GINM1: variants seen among roughly 807,000 people sequenced by gnomAD.
GINM1 encodes glycoprotein integral membrane protein 1.
Under a neutral mutation model 37.8 loss-of-function variants are expected in GINM1, and 29 were observed. That is an observed-to-expected ratio of 0.77 (90% CI 0.57 to 1.05). The LOEUF (loss-of-function observed/expected upper bound fraction) is 1.05. Ranked by LOEUF, GINM1 falls within the 50% of genes least tolerant of loss-of-function variation. GINM1 has a pLI of 0.00. For synonymous variants in GINM1, 143 were observed against 146.2 expected, an observed-to-expected ratio of 0.98 and a Z score of 0.16; for missense variants, 377 against 397.9, an observed-to-expected ratio of 0.95 and a Z score of 0.45.
At chr6:149,576,932 C>G (rs536278819) in intron 3 of GINM1, among the ~76,000 whole-genome samples, 64 of 152,310 alleles carry the variant, frequency 4.2e-4, no homozygotes, top group African/African-American at 1.5e-3. Context: ...ATGGCACCAG[C>G]ATCTGCTCAG....
Position 149,572,311 on chromosome 6 carries a change from A to G in GINM1, c.147A>G (p.Thr49=). Residue 49 remains threonine, a synonymous_variant, in exon 2 of 8, where the codon ACA becomes ACG. Coordinates refer to ENST00000367419, the MANE Select transcript of GINM1 (RefSeq NM_138785.5). Reference sequence around the variant, plus strand: ...ACGGCATCAGAATTAATGTAACTACACTGAAAGATGATGGGGACATATCTA... The same window carrying G: ...ACGGCATCAGAATTAATGTAACTACGCTGAAAGATGATGGGGACATATCTA... ...PQDGIRINVT[T]LKDDGDISKQ... The G allele has an allele frequency of 3.1e-6, 5 of 1,601,274 alleles. No homozygotes were observed. The highest frequency in any genetic ancestry group is 4.3e-6 in the Non-Finnish European group (5 of 1,174,466).
chr6:149,566,393 C>T lies in GINM1; in HGVS notation c.-22C>T. 2.0e-6 allele frequency: 3 copies of T among 1,527,704 alleles called. No homozygotes were observed. The highest frequency in any genetic ancestry group is 2.6e-6 in the Non-Finnish European group (3 of 1,147,512). 94.6% of individuals were successfully genotyped at this position (1,527,704 alleles called of 1,614,324 possible). A position where few individuals can be genotyped will look rare whatever the true frequency, so the allele number is the denominator to read the frequency against. ...CGCCCTCACCTCCCGGCCGCGGCTG[C>T]CCTCTGCCCGGGTTGTCCAAGATGG... On this transcript the variant is annotated 5_prime_UTR_variant, in exon 1 of 8. Transcript: ENST00000367419. The surrounding 1 kb of genome is among the most constrained non-coding windows in gnomAD (Gnocchi z 4.4).
intron 7 of GINM1, among the ~76,000 whole-genome samples, chr6:149,589,795 C>T (rs1189137927): frequency 6.6e-6 from 1 of 151,928 alleles, no homozygotes; most frequent in African/African-American, 2.4e-5. Flanking sequence ...TTTAATTACT[C>T]TCATGTTTTG....
Position 149,590,770 on chromosome 6 carries a change from G to C in GINM1, c.925G>C (p.Ala309Pro). Residue 309 changes from alanine to proline, a missense_variant, in exon 8 of 8, where the codon GCT (alanine) becomes CCT (proline). By Grantham distance (27) the Ala-to-Pro change is conservative. Transcript: ENST00000367419. ...LDKVDVIPVT[A>P]INLYPDGPEK... ...TAAAGTGGACGTCATACCTGTGACA[G>C]CTATCAACTTATATCCAGATGGTCC... is the stretch of plus-strand genomic sequence containing the variant. 6.2e-7 allele frequency: 1 copy of C among 1,604,098 alleles called. No homozygotes were observed. Among genetic ancestry groups the C allele is most frequent in the Admixed American group, 1.7e-5 (1 of 59,854 alleles).
chr6:149,580,380 G>A (rs1028145140), intron 5 of GINM1, among the ~76,000 whole-genome samples: 1 of 152,200 alleles, frequency 6.6e-6, no homozygotes, highest in African/African-American at 2.4e-5. Flanking sequence ...GGCTTTCTAT[G>A]TGACAGAATC....
Position 149,582,601 on chromosome 6 carries a change from C to CAAGT in GINM1, c.881+4_881+7dup. The stretch of plus-strand genomic sequence containing the variant: ...AGGTGTTTTTCCCAGTTTCTGAATA[C>CAAGT]AAGTAAGTATTTCTTATTTTTGAAA... On this transcript the variant is annotated frameshift_variant and splice_region_variant, in exon 7 of 8. Transcript: ENST00000367419. LOFTEE classifies it high-confidence loss of function. 6.4e-7 allele frequency: 1 copy of CAAGT among 1,554,364 alleles called. No individual in the cohort carries two copies. Among genetic ancestry groups the CAAGT allele is most frequent in the Non-Finnish European group, 8.7e-7 (1 of 1,152,676 alleles).
chr6:149,583,294 C>T (rs1450752682), intron 7 of GINM1, among the ~76,000 whole-genome samples: 2 of 152,074 alleles, frequency 1.3e-5, no homozygotes, highest in Non-Finnish European at 2.9e-5. Flanking sequence ...GAAACCCTGT[C>T]TCTACTAAAA....
intron 7 of GINM1, among the ~76,000 whole-genome samples, chr6:149,584,051 C>G (rs1778036647): frequency 6.6e-6 from 1 of 152,090 alleles, no homozygotes; most frequent in African/African-American, 2.4e-5. Context: ...TCTTGGCTCA[C>G]TGCAACCTCC....
intron 1 of GINM1, among the ~76,000 whole-genome samples, chr6:149,570,910 A>G (rs1016123006): frequency 1.3e-5 from 2 of 152,236 alleles, no homozygotes; most frequent in African/African-American, 4.8e-5. Flanking sequence ...GCTTCTGTAT[A>G]TAAAGCATGT....
At chr6:149,570,230 C>A in intron 1 of GINM1, among the ~76,000 whole-genome samples, 1 of 127,008 alleles carries the variant, frequency 7.9e-6, no homozygotes, top group Non-Finnish European at 1.6e-5. Flanking sequence ...ATATAGTGTT[C>A]ACTGCTAAAA....
intron 6 of GINM1, chr6:149,581,968 G>A: frequency 4.3e-6 from 2 of 467,528 alleles, no homozygotes; most frequent in Middle Eastern, 6.5e-4. Flanking sequence ...CGCTCTTAAA[G>A]TATAGAAACA....
At position 149,591,717 on chromosome 6, in the gene GINM1, TAAAC is replaced by T. The variant is rs1778157078; in HGVS notation, c.*880_*883del. On this transcript the variant is annotated 3_prime_UTR_variant, in exon 8 of 8. Transcript: ENST00000367419. ...AGTATGACATGTTCTCACTCTAAAA[TAAAC>T]TTTTTTTTTTTTTTTTTGAGGAAAA... 1 of 131,850 alleles carries T rather than the reference TAAAC, an allele frequency of 7.6e-6. No homozygotes were observed. The highest frequency in any genetic ancestry group is 8.8e-5 in the Admixed American group (1 of 11,428). The allele number at this position is 131,850 out of a possible 1,614,324, so 8.2% of individuals were successfully genotyped here. A position where few individuals can be genotyped will look rare whatever the true frequency, so the allele number is the denominator to read the frequency against.
rs955036850 is a variant in GINM1 at position 149,566,686 on chromosome 6, TG to T, written c.120+157del. 1 of 1,105,040 alleles carries T rather than the reference TG, an allele frequency of 9.0e-7. No individual in the cohort carries two copies. Among genetic ancestry groups the T allele is most frequent in the Non-Finnish European group, 1.2e-6 (1 of 833,302 alleles). 68.5% of individuals were successfully genotyped at this position (1,105,040 alleles called of 1,614,324 possible). A position where few individuals can be genotyped will look rare whatever the true frequency, so the allele number is the denominator to read the frequency against. ...GTGTGGGGAGAAGCACCCCAGGAAATGGGGGCGGCGTGGGAGGCCGAGGTAA... is the reference window on the plus strand; with the variant it reads ...GTGTGGGGAGAAGCACCCCAGGAAATGGGGCGGCGTGGGAGGCCGAGGTAA... On this transcript the variant is annotated intron_variant, in intron 1 of 7. Transcript: ENST00000367419. The surrounding 1 kb of genome is among the most constrained non-coding windows in gnomAD (Gnocchi z 4.4).
At chr6:149,582,401 T>C (rs762034109) in intron 6 of GINM1, 39 bp from the exon 7 acceptor site, 1 of 1,538,332 alleles carries the variant, frequency 6.5e-7, no homozygotes, top group Non-Finnish European at 8.8e-7. Flanking sequence ...TCTTAGAGAT[T>C]GATGCAACTT....
intron 3 of GINM1, 56 bp downstream of exon 3, chr6:149,572,659 G>A (rs1056970226): frequency 7.6e-6 from 8 of 1,056,442 alleles, no homozygotes; most frequent in South Asian, 3.8e-5. Flanking sequence ...GTTTGTTGTT[G>A]TTGTTGTTGT....
chr6:149,568,972 C>T (rs537005142), intron 1 of GINM1, among the ~76,000 whole-genome samples: 55 of 151,840 alleles, frequency 3.6e-4, no homozygotes, highest in Non-Finnish European at 6.6e-4. Context: ...GCTGGTACTA[C>T]TGGCGCGTGC....
intron 3 of GINM1, among the ~76,000 whole-genome samples, chr6:149,573,448 A>G (rs764649510): frequency 3.2e-4 from 48 of 152,242 alleles, no homozygotes; most frequent in Non-Finnish European, 5.4e-4. Context: ...CACACAGATC[A>G]TTATCAGAAT....
rs1281633291 is a variant in GINM1, at chr6:149,584,182, GC to G, written c.881+1582del. On this transcript the variant is annotated intron_variant, in intron 7 of 7. Coordinates refer to ENST00000367419, the MANE Select transcript of GINM1 (RefSeq NM_138785.5). Reference sequence around the variant, plus strand: ...GTAGAGATGGGGTTTTTCCACGTTGGCCCAGCTGGTCTCGAACTCCTGACCT... The same window carrying G: ...GTAGAGATGGGGTTTTTCCACGTTGGCCAGCTGGTCTCGAACTCCTGACCT... Among the ~76,000 whole-genome samples, 9 of 152,092 alleles carry G rather than the reference GC, an allele frequency of 5.9e-5. No individual in the cohort carries two copies. In the South Asian group the frequency reaches 6.2e-4, roughly 11 times the overall value.
intron 1 of GINM1, among the ~76,000 whole-genome samples, chr6:149,567,566 G>C (rs563750361): frequency 2.8e-4 from 43 of 152,204 alleles, no homozygotes; most frequent in African/African-American, 1.0e-3. Context: ...GCTTGAACCC[G>C]GGAGGCAGAG....
Sources: allele counts gnomAD v4.1 joint callset (sites outside exome capture counted in the v4.1 genomes callset), GRCh38; gene constraint gnomAD v4.1.1; non-coding constraint Gnocchi (gnomAD v3.1); transcripts MANE v1.5; gene names NCBI Gene and HGNC (gene_info 2026-07-23, HGNC 2026-07-21).